LDLRAD3: variants seen among roughly 807,000 people sequenced by gnomAD.
LDLRAD3 encodes low density lipoprotein receptor class A domain containing 3, also known as low-density lipoprotein receptor class A domain-containing protein 3.
A neutral mutation model predicts 29.4 loss-of-function variants in LDLRAD3; 20 were observed. The ratio of observed to expected loss-of-function variants is 0.68; its 90% confidence interval spans 0.48 to 0.99. The LOEUF (loss-of-function observed/expected upper bound fraction) is 0.99, where lower values mean the gene tolerates loss of function less well. Among genes scored for constraint, LDLRAD3 ranks in the 50% least tolerant of loss-of-function variants. The probability of loss-of-function intolerance (pLI) is 0.00; values close to 1 mark genes in which losing one functional copy is unlikely to be tolerated. For missense variants in LDLRAD3, 420 were observed against 454.3 expected (o/e 0.92, Z 0.69); for synonymous variants, 157 against 192.7 (o/e 0.81, Z 1.53).
intron 1 of LDLRAD3, among the ~76,000 whole-genome samples, chr11:35,988,011 A>G (rs1851636259): frequency 6.6e-6 from 1 of 152,128 alleles, no homozygotes; most frequent in African/African-American, 2.4e-5. Context: ...CATTTCTCTA[A>G]TGACATTTTT....
chr11:35,996,288 C>A (rs1393136736), intron 1 of LDLRAD3, among the ~76,000 whole-genome samples: 1 of 152,044 alleles, frequency 6.6e-6, no homozygotes, highest in East Asian at 1.9e-4. Flanking sequence ...AATAGGGAGG[C>A]CCGAGGAGAG....
chr11:35,997,493 C>A, intron 1 of LDLRAD3: 2 of 387,716 alleles, frequency 5.2e-6, no homozygotes, highest in South Asian at 2.3e-5. Context: ...TCTGAATGGT[C>A]AGTTTCACTA....
chr11:36,139,670 C>G (rs1327726852), intron 4 of LDLRAD3, among the ~76,000 whole-genome samples: 2 of 152,166 alleles, frequency 1.3e-5, no homozygotes, highest in East Asian at 3.9e-4. Flanking sequence ...TGTGCGCTTC[C>G]CCATAAACCA....
In LDLRAD3 at chr11:35,981,867, A is replaced by T. The variant is rs778756320; in HGVS notation, c.46+37723A>T. On this transcript the variant is annotated intron_variant, in intron 1 of 5. Coordinates refer to ENST00000315571, the MANE Select transcript of LDLRAD3 (RefSeq NM_174902.4). ...GAGGCATGCTTTTGTTGCATGTTAG[A>T]AAAGCTGTATTTTCTGCTTTTGGTT... Among the ~76,000 whole-genome samples the T allele has an allele frequency of 5.9e-5, 9 of 152,266 alleles. No homozygotes were observed. In the South Asian group the frequency reaches 6.2e-4, roughly 11 times the overall value.
chr11:36,039,942 C>G (rs1045987926), intron 2 of LDLRAD3, among the ~76,000 whole-genome samples: 1 of 152,174 alleles, frequency 6.6e-6, no homozygotes, highest in Non-Finnish European at 1.5e-5. Flanking sequence ...AACTTGACCA[C>G]CTTTTCAAGG....
At chr11:36,019,123 C>T (rs149389907) in intron 1 of LDLRAD3, among the ~76,000 whole-genome samples, 57 of 152,132 alleles carry the variant, frequency 3.7e-4, no homozygotes, top group African/African-American at 1.2e-3. Context: ...CTGGAGAGTC[C>T]GGCTGTCTGT....
chr11:35,955,070 C>T (rs1416462991), intron 1 of LDLRAD3, among the ~76,000 whole-genome samples: 1 of 152,058 alleles, frequency 6.6e-6, no homozygotes, highest in Non-Finnish European at 1.5e-5. Context: ...CATGGCGAAA[C>T]ATCATCTCTA....
chr11:36,189,583 T>A (rs930659507), intron 4 of LDLRAD3, among the ~76,000 whole-genome samples: 13 of 152,152 alleles, frequency 8.5e-5, no homozygotes, highest in East Asian at 3.9e-4. Context: ...TTACTTTTTT[T>A]TTATTATTAT....
At chr11:36,149,264 T>C (rs1854240935) in intron 4 of LDLRAD3, among the ~76,000 whole-genome samples, 1 of 152,162 alleles carries the variant, frequency 6.6e-6, no homozygotes, top group Non-Finnish European at 1.5e-5. Flanking sequence ...CGTCAGGGGA[T>C]GGTCAGATGC....
At chr11:36,030,435 AGTGTGTGTGT>A (rs3080139) in intron 1 of LDLRAD3, among the ~76,000 whole-genome samples, 8,664 of 147,274 alleles carry the variant, frequency 0.059, 388 homozygotes, top group African/African-American at 0.13. Context: ...CTGTGCATGG[AGTGTGTGTGT>A]GTGTGTGTGT....
At position 36,229,492 on chromosome 11, in the gene LDLRAD3, A is replaced by G; in HGVS notation, c.*95A>G. The G allele has an allele frequency of 1.2e-6, 1 of 862,274 alleles. No homozygotes were observed. Among genetic ancestry groups the G allele is most frequent in the Non-Finnish European group, 1.9e-6 (1 of 539,912 alleles). 53.4% of individuals were successfully genotyped at this position (862,274 alleles called of 1,614,324 possible). A position where few individuals can be genotyped will look rare whatever the true frequency, so the allele number is the denominator to read the frequency against. On this transcript the variant is annotated 3_prime_UTR_variant, in exon 6 of 6. Transcript: ENST00000315571. ...CATGGGAAGCTCTTTAAGCACCTGTAAGGGTGTCTCAAGTTACAGTTTGGG... is the reference window on the plus strand; with the variant it reads ...CATGGGAAGCTCTTTAAGCACCTGTGAGGGTGTCTCAAGTTACAGTTTGGG...
At chr11:36,208,184 C>T (rs374600651) in intron 4 of LDLRAD3, among the ~76,000 whole-genome samples, 1 of 152,082 alleles carries the variant, frequency 6.6e-6, no homozygotes, top group Non-Finnish European at 1.5e-5. Flanking sequence ...TGAAAGGATG[C>T]GGGAGCCAAC....
At chr11:36,163,290 T>C (rs1276210896) in intron 4 of LDLRAD3, 2 of 152,256 alleles carry the variant, frequency 1.3e-5, no homozygotes, top group African/African-American at 2.4e-5. Context: ...AAAGAGTCTA[T>C]TCCCTTCCAG....
chr11:36,092,417 A>G (rs1274790023), intron 3 of LDLRAD3, among the ~76,000 whole-genome samples: 1 of 152,168 alleles, frequency 6.6e-6, no homozygotes, highest in Non-Finnish European at 1.5e-5. Flanking sequence ...ACTCAAGTGC[A>G]GTACATTTTT....
intron 2 of LDLRAD3, among the ~76,000 whole-genome samples, chr11:36,058,303 C>T (rs754695557): frequency 8.5e-5 from 13 of 152,192 alleles, no homozygotes; most frequent in Non-Finnish European, 1.9e-4. Context: ...ACTCACACCA[C>T]TTCCCCCAGA....
intron 2 of LDLRAD3, among the ~76,000 whole-genome samples, chr11:36,054,995 ATGG>A (rs1852595180): frequency 7.1e-6 from 1 of 140,850 alleles, no homozygotes; most frequent in Non-Finnish European, 1.5e-5. Context: ...GGATGGATGG[ATGG>A]ATGCATGGAT....
intron 4 of LDLRAD3, among the ~76,000 whole-genome samples, chr11:36,111,195 G>A (rs536613253): frequency 6.6e-6 from 1 of 152,284 alleles, no homozygotes; most frequent in Admixed American, 6.5e-5. Context: ...CGTTATCACT[G>A]CATGCCGTGA....
rs183742616 is a variant in LDLRAD3 at position 36,192,901 on chromosome 11, C to T, written c.455-34184C>T. On this transcript the variant is annotated intron_variant, in intron 4 of 5. Coordinates refer to ENST00000315571, the MANE Select transcript of LDLRAD3 (RefSeq NM_174902.4). ...GCATGGACTTTGGAGCCAAACTCAA[C>T]GGAGTTCAAATCTGGACCTTGCTAC... Among the ~76,000 whole-genome samples the T allele has an allele frequency of 1.6e-4, 25 of 152,276 alleles. No individual in the cohort carries two copies. The East Asian group carries it at 2.1e-3, about 13-fold the overall frequency.
chr11:36,068,945 C>T (rs1355253319), intron 2 of LDLRAD3, among the ~76,000 whole-genome samples: 1 of 152,206 alleles, frequency 6.6e-6, no homozygotes, highest in Non-Finnish European at 1.5e-5. Context: ...TGTGGCAAAG[C>T]TGTTTCAACT....
Sources: allele counts gnomAD v4.1 joint callset (sites outside exome capture counted in the v4.1 genomes callset), GRCh38; gene constraint gnomAD v4.1.1; transcripts MANE v1.5; gene names NCBI Gene and HGNC (gene_info 2026-07-23, HGNC 2026-07-21).